KCNH7: variants seen among roughly 807,000 people sequenced by gnomAD.
KCNH7 encodes potassium voltage-gated channel subfamily H member 7, also known as voltage-gated inwardly rectifying potassium channel KCNH7.
KCNH7 carries 49 observed loss-of-function variants against 120.8 expected under a neutral mutation model. The ratio of observed to expected loss-of-function variants is 0.41; its 90% CI spans 0.32 to 0.51. KCNH7 has a LOEUF of 0.51. Ranked by LOEUF, KCNH7 falls within the 20% of genes least tolerant of loss-of-function variation. KCNH7 has a pLI of 0.38. For synonymous variants in KCNH7, 547 were observed against 516.1 expected (o/e 1.06, Z -0.81); for missense variants, 1,097 against 1,446.6 (o/e 0.76, Z 3.92).
intron 2 of KCNH7, among the ~76,000 whole-genome samples, chr2:162,593,656 G>T (rs1351064109): frequency 3.3e-5 from 5 of 151,870 alleles, no homozygotes; most frequent in African/African-American, 9.6e-5. Flanking sequence ...CCTGCTTTCA[G>T]GTCAAATCTT....
intron 4 of KCNH7, 105 bp downstream of exon 4, chr2:162,517,625 C>G (rs1437622441): frequency 1.0e-6 from 1 of 984,650 alleles, no homozygotes; most frequent in African/African-American, 1.7e-5. Context: ...AATCACATTT[C>G]TTTCCCCAAT....
rs140969302 is a variant in KCNH7, at chr2:162,619,782, A to T, written c.308-82702T>A. Among the ~76,000 whole-genome samples, 404 of 152,246 alleles carry T rather than the reference A, an allele frequency of 2.7e-3. 4 individuals are homozygous for T. The highest frequency in any genetic ancestry group is 9.1e-3 in the African/African-American group (377 of 41,582). On this transcript the variant is annotated intron_variant, in intron 2 of 15. Transcript: ENST00000332142. Reference sequence around the variant, plus strand: ...ATAGTGATTAAACGCATCTTCTTCTACAAGACCTTGCTCCAAAACAGAAAG... The same window carrying T: ...ATAGTGATTAAACGCATCTTCTTCTTCAAGACCTTGCTCCAAAACAGAAAG...
At chr2:162,799,964 AC>A (rs199768700) in intron 2 of KCNH7, among the ~76,000 whole-genome samples, 3,870 of 151,492 alleles carry the variant, frequency 0.026, 79 homozygotes, top group Non-Finnish European at 0.033. Flanking sequence ...ACACACACAC[AC>A]ACACACACAG....
chr2:162,746,364 A>C (rs962949553), intron 2 of KCNH7, among the ~76,000 whole-genome samples: 1 of 152,184 alleles, frequency 6.6e-6, no homozygotes, highest in Non-Finnish European at 1.5e-5. Context: ...GAGTGTTAAC[A>C]TATAAAAAAG....
chr2:162,403,658 G>C lies in KCNH7; in HGVS notation c.2155-3217C>G, dbSNP rs569265012. On this transcript the variant is annotated intron_variant, in intron 9 of 15. Transcript: ENST00000332142. Reference sequence around the variant, plus strand: ...CATGGAGAAGATACAATGTTGGCATGAACTTGCCTAGGTTAAGGACTTCTC... The same window carrying C: ...CATGGAGAAGATACAATGTTGGCATCAACTTGCCTAGGTTAAGGACTTCTC... Among the ~76,000 whole-genome samples, 4 of 152,052 alleles carry C rather than the reference G, an allele frequency of 2.6e-5. No homozygotes were observed. The South Asian group carries it at 8.3e-4, about 32-fold the overall frequency.
chr2:162,691,073 C>A (rs992593760), intron 2 of KCNH7, among the ~76,000 whole-genome samples: 1 of 152,138 alleles, frequency 6.6e-6, no homozygotes, highest in Non-Finnish European at 1.5e-5. Context: ...AATTAACCAA[C>A]AATAACAACA....
chr2:162,575,852 GAC>G (rs1693652623), intron 2 of KCNH7, among the ~76,000 whole-genome samples: 1 of 152,058 alleles, frequency 6.6e-6, no homozygotes, highest in South Asian at 2.1e-4. Flanking sequence ...AGCTCACAGA[GAC>G]ATTTTGCAAT....
At position 162,416,163 on chromosome 2, in the gene KCNH7, G is replaced by A. The variant is rs1211084667; in HGVS notation, c.2154+7173C>T. 2.0e-5 allele frequency among the ~76,000 whole-genome samples: 3 copies of A among 151,928 alleles called. No homozygotes were observed. The East Asian group carries it at 5.8e-4, about 29-fold the overall frequency. ...CCCACCACTTTGGGAGTCCAAGGAGGGCGGATCACAAGGTCAGGAGTTCGT... is the reference window on the plus strand; with the variant it reads ...CCCACCACTTTGGGAGTCCAAGGAGAGCGGATCACAAGGTCAGGAGTTCGT... On this transcript the variant is annotated intron_variant, in intron 9 of 15. Coordinates refer to ENST00000332142, the MANE Select transcript of KCNH7 (RefSeq NM_033272.4).
intron 2 of KCNH7, among the ~76,000 whole-genome samples, chr2:162,677,798 T>C (rs1216198571): frequency 2.0e-5 from 3 of 151,500 alleles, no homozygotes; most frequent in East Asian, 3.9e-4. Flanking sequence ...GGAATCTTAG[T>C]TGCTTCACAT....
chr2:162,425,479 T>A (rs73018951), intron 8 of KCNH7, among the ~76,000 whole-genome samples: 4 of 152,186 alleles, frequency 2.6e-5, no homozygotes, highest in African/African-American at 9.7e-5. Flanking sequence ...AAATGAATCA[T>A]TCTTTAAAAA....
Position 162,506,665 on chromosome 2 carries a change from C to T in KCNH7, c.914-2008G>A, listed in dbSNP as rs116190374. On this transcript the variant is annotated intron_variant, in intron 5 of 15. Transcript: ENST00000332142. Reference sequence around the variant, plus strand: ...CTGCATTTCTGTAGCAAATTGTCCACAGAGTTATTTAAAATTTGGCTAAAT... The same window carrying T: ...CTGCATTTCTGTAGCAAATTGTCCATAGAGTTATTTAAAATTTGGCTAAAT... Among the ~76,000 whole-genome samples, 1,453 of 151,814 alleles carry T rather than the reference C, an allele frequency of 9.6e-3. 32 individuals are homozygous for T. The highest frequency in any genetic ancestry group is 0.032 in the African/African-American group (1,339 of 41,482).
At chr2:162,598,073 G>A (rs151073860) in intron 2 of KCNH7, among the ~76,000 whole-genome samples, 4 of 151,816 alleles carry the variant, frequency 2.6e-5, no homozygotes, top group East Asian at 3.9e-4. Flanking sequence ...GTTTATTTCC[G>A]TTTTTTCCCC....
At chr2:162,443,281 G>T (rs1449022096) in intron 7 of KCNH7, among the ~76,000 whole-genome samples, 1 of 151,924 alleles carries the variant, frequency 6.6e-6, no homozygotes, top group African/African-American at 2.4e-5. Flanking sequence ...GATGCTCATG[G>T]GGTGCTTGAC....
chr2:162,389,081 T>C (rs1003714024), intron 12 of KCNH7, among the ~76,000 whole-genome samples: 5 of 152,046 alleles, frequency 3.3e-5, no homozygotes, highest in African/African-American at 1.2e-4. Flanking sequence ...TCTTCGGTTG[T>C]TACAGGCACA....
chr2:162,429,390 T>C (rs1687987986), intron 8 of KCNH7, among the ~76,000 whole-genome samples: 3 of 144,790 alleles, frequency 2.1e-5, no homozygotes, highest in South Asian at 2.1e-4. Context: ...AGTCTTTTTT[T>C]TTTTTTTTTT....
intron 12 of KCNH7, among the ~76,000 whole-genome samples, chr2:162,393,165 C>G (rs117093641): frequency 0.021 from 3,120 of 152,028 alleles, 217 homozygotes; most frequent in Admixed American, 0.15. Context: ...CTGGCTTGTA[C>G]AATTGATGAA....
intron 6 of KCNH7, among the ~76,000 whole-genome samples, chr2:162,483,157 G>A (rs532805927): frequency 1.3e-5 from 2 of 152,192 alleles, no homozygotes; most frequent in South Asian, 4.1e-4. Flanking sequence ...TTTCATAAAT[G>A]TCCAAATAGC....
intron 2 of KCNH7, among the ~76,000 whole-genome samples, chr2:162,633,526 G>A (rs12620566): frequency 1.3e-5 from 2 of 150,468 alleles, no homozygotes; most frequent in Non-Finnish European, 3.0e-5. Context: ...TTAAAGTTTA[G>A]TATGCTTTCC....
intron 2 of KCNH7, among the ~76,000 whole-genome samples, chr2:162,638,723 C>T (rs1218655768): frequency 6.6e-6 from 1 of 151,892 alleles, no homozygotes. Flanking sequence ...GGCTGGTGAC[C>T]CAACTCAGAT....
Sources: gnomAD v4.1 joint callset for allele counts (sites outside exome capture counted in the v4.1 genomes callset) on GRCh38, gnomAD v4.1.1 for gene constraint, MANE v1.5 for transcripts, NCBI Gene and HGNC (gene_info 2026-07-23, HGNC 2026-07-21) for gene names.